Variants in CD82 observed in about 807,000 individuals in gnomAD.
CD82 encodes CD82 antigen.
Under a neutral mutation model 37.4 loss-of-function variants are expected in CD82, and 36 were observed. The ratio of observed to expected loss-of-function variants is 0.96; its 90% CI spans 0.74 to 1.27. The LOEUF is 1.27. CD82 is among the 50% of genes most tolerant of loss of function. CD82 has a pLI of 0.00. For missense variants in CD82, 340 were observed against 347.0 expected (o/e 0.98, Z 0.16); for synonymous variants, 158 against 137.4 (o/e 1.15, Z -1.05).
chr11:44,582,341 C>G (rs744630), intron 1 of CD82, among the ~76,000 whole-genome samples: 1 of 152,068 alleles, frequency 6.6e-6, no homozygotes, highest in Non-Finnish European at 1.5e-5. Context: ...TCTGCAGGAA[C>G]CCTGTGTCCA....
intron 1 of CD82, among the ~76,000 whole-genome samples, chr11:44,566,636 G>A (rs1852739600): frequency 6.6e-6 from 1 of 152,112 alleles, no homozygotes; most frequent in Non-Finnish European, 1.5e-5. Flanking sequence ...TGTAAAATGG[G>A]GATAATGACA....
chr11:44,565,685 A>G lies in CD82; in HGVS notation c.-154A>G, dbSNP rs1243550714. On this transcript the variant is annotated 5_prime_UTR_variant, in exon 1 of 10. Transcript: ENST00000227155. ...TGTGCAGTCCGACGCCGACTGAGGCACGAGCGGGTGACGCTGGGCCTGCAG... is the reference window on the plus strand; with the variant it reads ...TGTGCAGTCCGACGCCGACTGAGGCGCGAGCGGGTGACGCTGGGCCTGCAG... 6.6e-6 allele frequency: 1 copy of G among 152,056 alleles called. No individual in the cohort carries two copies. Among genetic ancestry groups the G allele is most frequent in the Non-Finnish European group, 1.5e-5 (1 of 67,950 alleles). The allele number at this position is 152,056 out of a possible 1,614,324, so 9.4% of individuals were successfully genotyped here.
At chr11:44,564,493 C>T (rs1590319764), upstream of CD82, 2 of 456,192 alleles carry the variant, frequency 4.4e-6, no homozygotes, top group East Asian at 1.4e-4. Context: ...TGCCCCTGGT[C>T]ATTAACCAGG....
chr11:44,608,317 C>A (rs1194880681), intron 6 of CD82, among the ~76,000 whole-genome samples: 1 of 152,096 alleles, frequency 6.6e-6, no homozygotes, highest in African/African-American at 2.4e-5. Context: ...GTCCTTCCTG[C>A]CTCTGTCACC....
intron 6 of CD82, among the ~76,000 whole-genome samples, chr11:44,609,522 G>A (rs1853450302): frequency 6.6e-6 from 1 of 152,080 alleles, no homozygotes. Context: ...GCAGTGGCTG[G>A]CCAGACAACT....
intron 1 of CD82, among the ~76,000 whole-genome samples, chr11:44,572,177 C>T (rs1852823308): frequency 3.3e-5 from 5 of 152,192 alleles, no homozygotes; most frequent in Admixed American, 3.3e-4. Flanking sequence ...TGGGCAGGTC[C>T]CAGCTGCTGC....
chr11:44,582,336 A>G (rs913971724), intron 1 of CD82, among the ~76,000 whole-genome samples: 1 of 152,220 alleles, frequency 6.6e-6, no homozygotes, highest in Non-Finnish European at 1.5e-5. Context: ...GGCAGTCTGC[A>G]GGAACCCTGT....
intron 6 of CD82, among the ~76,000 whole-genome samples, chr11:44,610,287 G>A (rs1375689888): frequency 6.6e-6 from 1 of 152,148 alleles, no homozygotes; most frequent in Admixed American, 6.5e-5. Context: ...CTGGGACTTG[G>A]GTAGCTGAGA....
chr11:44,618,904 C>T, intron 9 of CD82, 145 bp from the exon 10 acceptor site: 2 of 843,810 alleles, frequency 2.4e-6, no homozygotes, highest in Admixed American at 2.0e-5. Flanking sequence ...CCGCTCTGGG[C>T]CTCCCTCTGC....
chr11:44,588,164 G>A (rs1853086322), intron 2 of CD82, among the ~76,000 whole-genome samples: 1 of 152,050 alleles, frequency 6.6e-6, no homozygotes, highest in African/African-American at 2.4e-5. Flanking sequence ...CAGGCATTTT[G>A]CCCTAATTTA....
intron 2 of CD82, among the ~76,000 whole-genome samples, chr11:44,591,876 G>A (rs1201726650): frequency 6.6e-6 from 1 of 152,040 alleles, no homozygotes; most frequent in African/African-American, 2.4e-5. Flanking sequence ...CTGGAGTGCA[G>A]TGGCGCAATC....
chr11:44,604,232 C>A (rs1853355420), intron 4 of CD82, among the ~76,000 whole-genome samples: 1 of 152,262 alleles, frequency 6.6e-6, no homozygotes, highest in Non-Finnish European at 1.5e-5. Flanking sequence ...TCCCCAGCAA[C>A]TGGCACAGTG....
At chr11:44,573,572 G>T (rs1485320526) in intron 1 of CD82, among the ~76,000 whole-genome samples, 1 of 152,206 alleles carries the variant, frequency 6.6e-6, no homozygotes, top group Non-Finnish European at 1.5e-5. Context: ...CTCTGAACTA[G>T]TCACTTATTT....
chr11:44,596,509 A>G (rs927746846), intron 3 of CD82, among the ~76,000 whole-genome samples: 3 of 152,216 alleles, frequency 2.0e-5, no homozygotes, highest in African/African-American at 7.2e-5. Flanking sequence ...TGGTGGTTTC[A>G]GCCAGGGTGG....
chr11:44,605,120 A>G lies in CD82; in HGVS notation c.199A>G (p.Met67Val), dbSNP rs769486957. Residue 67 changes from methionine to valine, a missense_variant, in exon 5 of 10, where the codon ATG becomes GTG. Coordinates refer to ENST00000227155, the MANE Select transcript of CD82 (RefSeq NM_002231.4). ...CTTCATCGGCGTGGGGGCAGTCACT[A>G]TGCTCATGGGCTTCCTGGGCTGCAT... The part of the protein sequence containing the change: ...YVFIGVGAVT[M>V]LMGFLGCIGA... 6 of 1,614,028 alleles carry G rather than the reference A, an allele frequency of 3.7e-6. No individual in the cohort carries two copies. The African/African-American group carries it at 4.0e-5, about 11-fold the overall frequency.
chr11:44,585,254 A>G (rs1284630769), intron 1 of CD82: 1 of 456,212 alleles, frequency 2.2e-6, no homozygotes, highest in Non-Finnish European at 4.4e-6. Context: ...TTGGTCAGGA[A>G]AGCAACAACT....
intron 4 of CD82, among the ~76,000 whole-genome samples, chr11:44,601,245 C>T (rs745951005): frequency 6.6e-6 from 1 of 152,098 alleles, no homozygotes; most frequent in Admixed American, 6.5e-5. Context: ...TTACATAAAG[C>T]GGAACCTAGC....
chr11:44,587,205 T>G, intron 1 of CD82: 1 of 343,622 alleles, frequency 2.9e-6, no homozygotes, highest in Non-Finnish European at 5.8e-6. Context: ...AGCCAAGGCT[T>G]GTGGGAAAAT....
chr11:44,575,119 GT>G (rs1407845853), intron 1 of CD82, among the ~76,000 whole-genome samples: 1 of 152,168 alleles, frequency 6.6e-6, no homozygotes, highest in African/African-American at 2.4e-5. Context: ...GTGGGGGAGC[GT>G]TCTGTCTGTC....
Sources: allele counts gnomAD v4.1 joint callset (sites outside exome capture counted in the v4.1 genomes callset), GRCh38; gene constraint gnomAD v4.1.1; transcripts MANE v1.5; gene names NCBI Gene and HGNC (gene_info 2026-07-23, HGNC 2026-07-21).